Variants in ALG13 observed in about 807,000 individuals in gnomAD.
ALG13 encodes ALG13 UDP-N-acetylglucosaminyltransferase subunit, also known as UDP-N-acetylglucosamine transferase subunit ALG13.
ALG13 carries 11 observed loss-of-function variants against 87.8 expected under a neutral mutation model. That is an observed-to-expected ratio of 0.13 (90% CI 0.08 to 0.21). The LOEUF is 0.21. Among genes scored for constraint, ALG13 ranks in the 10% least tolerant of loss-of-function variants. The pLI is 1.00. For missense variants in ALG13, 756 were observed against 866.1 expected (o/e 0.87, Z 1.60); for synonymous variants, 320 against 306.3 (o/e 1.04, Z -0.47).
chrX:111,697,638 T>C (rs774666743), intron 3 of ALG13, among the ~76,000 whole-genome samples: 1 of 112,357 alleles, frequency 8.9e-6, no homozygotes, highest in Non-Finnish European at 1.9e-5. Flanking sequence ...CTTTTTATTA[T>C]ATGCAAGACA....
At chrX:111,711,377 T>C (rs887361052) in intron 5 of ALG13, among the ~76,000 whole-genome samples, 1 of 112,575 alleles carries the variant, frequency 8.9e-6, no homozygotes, top group Non-Finnish European at 1.9e-5. Context: ...GCTTGATTTA[T>C]GAAAATTGTC....
At chrX:111,685,815 G>A (rs1934786752) in intron 3 of ALG13, among the ~76,000 whole-genome samples, 1 of 111,956 alleles carries the variant, frequency 8.9e-6, no homozygotes, top group Admixed American at 9.5e-5. Flanking sequence ...CCAGTCATGT[G>A]AAGATTTGGA....
At chrX:111,713,760 A>G (rs1387554744) in intron 8 of ALG13, among the ~76,000 whole-genome samples, 2 of 111,706 alleles carry the variant, frequency 1.8e-5, no homozygotes, top group Non-Finnish European at 3.8e-5. Flanking sequence ...AGTGTTTATT[A>G]TATTGTGTTT....
At chrX:111,739,924 C>A in intron 23 of ALG13, among the ~76,000 whole-genome samples, 1 of 111,989 alleles carries the variant, frequency 8.9e-6, no homozygotes, top group South Asian at 3.7e-4. Flanking sequence ...TATTGGACAA[C>A]AGTGTACTAG....
chrX:111,732,307 T>G (rs1192925418), intron 21 of ALG13, among the ~76,000 whole-genome samples: 1 of 112,327 alleles, frequency 8.9e-6, no homozygotes, highest in Non-Finnish European at 1.9e-5. Flanking sequence ...CTACTTCTAG[T>G]TACCAATTTC....
At chrX:111,751,066 CTTTTTT>C (rs58149728) in intron 24 of ALG13, among the ~76,000 whole-genome samples, 2 of 74,503 alleles carry the variant, frequency 2.7e-5, no homozygotes, top group Admixed American at 1.4e-4. Flanking sequence ...ATAAGCATAA[CTTTTTT>C]TTTTTTTTTT....
chrX:111,682,387 G>A lies in ALG13; in HGVS notation c.244+93G>A, dbSNP rs1602472979. 2.2e-5 allele frequency: 16 copies of A among 740,212 alleles called. No homozygotes were observed. In the East Asian group the frequency reaches 5.8e-4, roughly 27 times the overall value. 61.0% of individuals were successfully genotyped at this position (740,212 alleles called of 1,213,427 possible). A position where few individuals can be genotyped will look rare whatever the true frequency, so the allele number is the denominator to read the frequency against. On this transcript the variant is annotated intron_variant, in intron 2 of 26. Transcript: ENST00000394780. ...CTGGGGGTACATGTGCAGGATGTGC[G>A]GGCTTGTTACAAAGGTAAACGTGTG...
intron 23 of ALG13, among the ~76,000 whole-genome samples, chrX:111,739,200 GGAGA>G (rs1352315038): frequency 9.0e-6 from 1 of 111,518 alleles, no homozygotes; most frequent in Non-Finnish European, 1.9e-5. Flanking sequence ...CAAGGCACCA[GGAGA>G]GAGAGAAAGA....
At position 111,689,841 on chromosome X, in the gene ALG13, G is replaced by A. The variant is rs777027241; in HGVS notation, c.383+4738G>A. On this transcript the variant is annotated intron_variant, in intron 3 of 26. Coordinates refer to ENST00000394780, the MANE Select transcript of ALG13 (RefSeq NM_001099922.3). ...TGCCTAGTGTTCATTTTAGTTACTC[G>A]AATTCCTTGCAAGGTAGGTTTTGTT... 9.3e-6 allele frequency: 7 copies of A among 751,303 alleles called. No individual in the cohort carries two copies. The East Asian group carries it at 4.6e-4, about 49-fold the overall frequency. 61.9% of individuals were successfully genotyped at this position (751,303 alleles called of 1,213,427 possible).
At chrX:111,681,401 G>T (rs1281544915) in intron 1 of ALG13, 102 bp downstream of exon 1, 1 of 1,175,212 alleles carries the variant, frequency 8.5e-7, no homozygotes, top group South Asian at 1.9e-5. Context: ...CGCTCGGAAA[G>T]AAACCCCCGC....
chrX:111,741,826 A>G (rs1165471696), intron 23 of ALG13, among the ~76,000 whole-genome samples: 1 of 109,863 alleles, frequency 9.1e-6, no homozygotes, highest in African/African-American at 3.4e-5. Flanking sequence ...AAAAAAAAAA[A>G]GTGCTTAGCA....
chrX:111,691,001 A>AAATTAATT (rs1950085882), intron 3 of ALG13, among the ~76,000 whole-genome samples: 1 of 111,772 alleles, frequency 8.9e-6, no homozygotes, highest in African/African-American at 3.3e-5. Flanking sequence ...ACATGGACAG[A>AAATTAATT]TCATTTGAAA....
intron 8 of ALG13, chrX:111,714,160 A>G (rs1282920754): frequency 9.0e-6 from 1 of 111,304 alleles, no homozygotes; most frequent in African/African-American, 3.3e-5. Flanking sequence ...AACTTAGAAG[A>G]TAAGTATGAA....
chrX:111,729,081 T>G (rs984809682), intron 19 of ALG13, among the ~76,000 whole-genome samples: 8 of 111,617 alleles, frequency 7.2e-5, no homozygotes, highest in Non-Finnish European at 1.3e-4. Context: ...CCTGTGCCCA[T>G]TAGGAGCCAT....
chrX:111,687,134 G>A (rs1176672689), intron 3 of ALG13, among the ~76,000 whole-genome samples: 6 of 111,116 alleles, frequency 5.4e-5, no homozygotes, highest in African/African-American at 2.0e-4. Context: ...TAGTAGAGAC[G>A]GGGTTTCTCC....
At chrX:111,756,926 C>G (rs1945309616) in intron 25 of ALG13, among the ~76,000 whole-genome samples, 1 of 111,905 alleles carries the variant, frequency 8.9e-6, no homozygotes, top group Non-Finnish European at 1.9e-5. Flanking sequence ...CATGTGGAAA[C>G]TTTGTAATCT....
chrX:111,757,494 T>G lies in ALG13; in HGVS notation c.2974-94T>G, dbSNP rs1013804946. ...CCTGAAAATCGTGGCCCAATTCTTA[T>G]TTTTTTTTTTTTTTTGTCTGTGGGG... On this transcript the variant is annotated intron_variant, in intron 25 of 26. Transcript: ENST00000394780. 6.7e-4 allele frequency: 78 copies of G among 116,465 alleles called. 1 individual carries two copies. Among genetic ancestry groups the G allele is most frequent in the East Asian group, 1.4e-3 (5 of 3,470 alleles). 9.6% of individuals were successfully genotyped at this position (116,465 alleles called of 1,213,427 possible). A position where few individuals can be genotyped will look rare whatever the true frequency, so the allele number is the denominator to read the frequency against.
At position 111,708,139 on chromosome X, in the gene ALG13, TC is replaced by T. The variant is rs1187343966; in HGVS notation, c.498del (p.Gly167AspfsTer51). 2.5e-6 allele frequency: 3 copies of T among 1,210,077 alleles called. No homozygotes were observed. The highest frequency in any genetic ancestry group is 3.4e-6 in the Non-Finnish European group (3 of 895,236). ...AFSGLDFGLLSGYLHKQALVT... is the reference protein window; with the variant it reads ...AFSGLDFGLLXGYLHKQALVT... ...TTCAGGCCTAGACTTTGGGCTGCTT[TC>T]CGGATACCTGCATAAGCAAGCCCTT... On this transcript the variant is annotated frameshift_variant, in exon 4 of 27. Transcript: ENST00000394780. LOFTEE classifies it high-confidence loss of function.
intron 1 of ALG13, chrX:111,681,668 A>T: frequency 1.1e-6 from 1 of 885,301 alleles, no homozygotes; most frequent in Non-Finnish European, 1.4e-6. Flanking sequence ...GTTTTTCCTC[A>T]GGCCCCCCTG....
Sources: gnomAD v4.1 joint callset for allele counts (sites outside exome capture counted in the v4.1 genomes callset) on GRCh38, gnomAD v4.1.1 for gene constraint, MANE v1.5 for transcripts, NCBI Gene and HGNC (gene_info 2026-07-23, HGNC 2026-07-21) for gene names.